The following NCOR2 variants were observed in gnomAD, a reference collection of about 807,000 sequenced individuals.
NCOR2 encodes the protein nuclear receptor corepressor 2.
A neutral mutation model predicts 262.9 loss-of-function variants in NCOR2; 81 were observed. The ratio of observed to expected loss-of-function variants is 0.31; its 90% CI spans 0.26 to 0.37. The LOEUF (loss-of-function observed/expected upper bound fraction) is 0.37. Among genes scored for constraint, NCOR2 ranks in the 10% least tolerant of loss-of-function variants. The pLI is 1.00. For missense variants in NCOR2, 3,385 were observed against 3,621.4 expected, an observed-to-expected ratio of 0.93 and a Z score of 1.68; for synonymous variants, 1,659 against 1,559.3, an observed-to-expected ratio of 1.06 and a Z score of -1.51.
intron 1 of NCOR2, among the ~76,000 whole-genome samples, chr12:124,562,656 ATT>A (rs2052109684): frequency 6.6e-6 from 1 of 152,240 alleles, no homozygotes; most frequent in Admixed American, 6.5e-5. Context: ...AGCTGAGCAC[ATT>A]TGTGAAACAC....
intron 19 of NCOR2, 24 bp downstream of exon 21, chr12:124,374,389 C>G (rs201324478): frequency 3.8e-5 from 61 of 1,611,280 alleles, no homozygotes; most frequent in South Asian, 1.3e-4. Context: ...CCCTACCCCC[C>G]AGGCCAGCCG....
intron 13 of NCOR2, among the ~76,000 whole-genome samples, chr12:124,418,157 T>C (rs2043010622): frequency 6.6e-6 from 1 of 151,798 alleles, no homozygotes. Flanking sequence ...GTTTTACACA[T>C]CTGTTAGAAG....
chr12:124,344,699 G>A lies in NCOR2; in HGVS notation c.4612C>T (p.Gln1538Ter). Reference sequence around the variant, plus strand: ...TGGTCCTCATAGGTCAGGGGGCTCTGCCGCGGCTTACCCAGCTCAGGCACA... The same window carrying A: ...TGGTCCTCATAGGTCAGGGGGCTCTACCGCGGCTTACCCAGCTCAGGCACA... Residue 1538 changes from glutamine (Q) to a stop codon, truncating the protein, a stop_gained, in exon 32 of 47, where the codon CAG (glutamine) becomes TAG (stop). Coordinates refer to ENST00000405201, the Ensembl canonical transcript of NCOR2. LOFTEE classifies it high-confidence loss of function. The A allele has an allele frequency of 6.5e-7, 1 of 1,531,340 alleles. No individual in the cohort carries two copies. Among genetic ancestry groups the A allele is most frequent in the Non-Finnish European group, 8.8e-7 (1 of 1,133,114 alleles). The allele number at this position is 1,531,340 out of a possible 1,614,324, so 94.9% of individuals were successfully genotyped here. A position where few individuals can be genotyped will look rare whatever the true frequency, so the allele number is the denominator to read the frequency against.
intron 1 of NCOR2, among the ~76,000 whole-genome samples, chr12:124,494,016 G>A (rs971754071): frequency 5.3e-5 from 8 of 152,162 alleles, no homozygotes; most frequent in Admixed American, 2.0e-4. Flanking sequence ...TCCTAAGAGG[G>A]ATCCACAACG....
chr12:124,558,273 C>A (rs1048567011), intron 1 of NCOR2, among the ~76,000 whole-genome samples: 1 of 151,124 alleles, frequency 6.6e-6, no homozygotes, highest in Non-Finnish European at 1.5e-5. Context: ...CCCACCCCCC[C>A]TCCAGACCTG....
chr12:124,544,935 G>GCTCC (rs1452187282), intron 1 of NCOR2, among the ~76,000 whole-genome samples: 1 of 152,138 alleles, frequency 6.6e-6, no homozygotes, highest in Non-Finnish European at 1.5e-5. Flanking sequence ...AATCAGGCTG[G>GCTCC]CTCCCGCTCC....
rs1490922334 is a variant in NCOR2, at chr12:124,326,375, AG to A, written c.7184-6del. On this transcript the variant is annotated splice_region_variant and splice_polypyrimidine_tract_variant and intron_variant, in intron 45 of 46. Transcript: ENST00000405201. ...CCTTGGCCTTCCCGCCGCCACCTGC[AG>A]GGGGACAAGATGGGAAGGGGCTGCG... The A allele has an allele frequency of 4.0e-6, 6 of 1,487,240 alleles. No homozygotes were observed. Among genetic ancestry groups the A allele is most frequent in the East Asian group, 2.5e-5 (1 of 39,456 alleles). The allele number at this position is 1,487,240 out of a possible 1,614,324, so 92.1% of individuals were successfully genotyped here.
chr12:124,555,172 T>C (rs1193531748), intron 1 of NCOR2, among the ~76,000 whole-genome samples: 1 of 152,206 alleles, frequency 6.6e-6, no homozygotes, highest in African/African-American at 2.4e-5. Context: ...CACCGGGTTA[T>C]TGTGAAGCTT....
intron 10 of NCOR2, among the ~76,000 whole-genome samples, chr12:124,428,519 A>C (rs2043725747): frequency 1.3e-5 from 2 of 152,104 alleles, no homozygotes; most frequent in Admixed American, 1.3e-4. Context: ...ACTGCTACTT[A>C]AACCAGCCGC....
intron 10 of NCOR2, among the ~76,000 whole-genome samples, chr12:124,428,091 A>AGTGTGTG (rs1555221817): frequency 7.3e-5 from 2 of 27,460 alleles, no homozygotes; most frequent in Non-Finnish European, 2.2e-4. Flanking sequence ...GTGTGTGTAC[A>AGTGTGTG]TGCAACAATC....
In NCOR2 at chr12:124,504,676, G is replaced by A. The variant is rs1297068587; in HGVS notation, c.-117-9308C>T. Among the ~76,000 whole-genome samples the A allele has an allele frequency of 6.6e-6, 1 of 152,238 alleles. No individual in the cohort carries two copies. The highest frequency in any genetic ancestry group is 1.9e-4 in the East Asian group (1 of 5,200). On this transcript the variant is annotated intron_variant, in intron 1 of 46. Coordinates refer to the NCOR2 transcript ENST00000404621. The surrounding 1 kb of genome is among the most constrained non-coding windows in gnomAD (Gnocchi z 4.5). ...CAAACAGATGAAACAAACGCAGTCT[G>A]TCCATCAATGGACTACGATTCAGCC...
chr12:124,340,533 GC>G, intron 35 of NCOR2, 68 bp downstream of exon 37: 1 of 1,545,384 alleles, frequency 6.5e-7, no homozygotes, highest in East Asian at 2.3e-5. Flanking sequence ...CAGGGCTTCT[GC>G]CCGCCCATCC....
At chr12:124,559,011 A>G (rs2051980345) in intron 1 of NCOR2, among the ~76,000 whole-genome samples, 1 of 152,202 alleles carries the variant, frequency 6.6e-6, no homozygotes, top group African/African-American at 2.4e-5. Flanking sequence ...CTGGGAGACA[A>G]GAGGCGGAGA....
chr12:124,338,378 C>T (rs1191450961), intron 37 of NCOR2, among the ~76,000 whole-genome samples: 5 of 151,954 alleles, frequency 3.3e-5, no homozygotes, highest in Admixed American at 1.3e-4. Context: ...TGTGGTTGCA[C>T]GTGCCTGTAA....
intron 31 of NCOR2, among the ~76,000 whole-genome samples, chr12:124,345,153 C>G (rs1196983917): frequency 6.6e-6 from 1 of 152,164 alleles, no homozygotes; most frequent in Non-Finnish European, 1.5e-5. Flanking sequence ...CTGGGCCTGA[C>G]CCTGGTCCCC....
upstream of NCOR2, chr12:124,567,547 C>T (rs573221497): frequency 3.4e-3 from 493 of 146,208 alleles, 2 homozygotes; most frequent in Middle Eastern, 0.024. Context: ...CCGGCGGACG[C>T]GGGGCTCCGG....
At chr12:124,545,648 GC>G (rs1457408902) in intron 1 of NCOR2, among the ~76,000 whole-genome samples, 1 of 152,206 alleles carries the variant, frequency 6.6e-6, no homozygotes, top group Non-Finnish European at 1.5e-5. Context: ...AGCCCAAGTG[GC>G]CCGGCTGGGG....
intron 45 of NCOR2, among the ~76,000 whole-genome samples, chr12:124,327,108 C>G (rs907014554): frequency 5.3e-5 from 8 of 152,094 alleles, no homozygotes; most frequent in Admixed American, 4.6e-4. Context: ...GCCGGGTCCC[C>G]GCAGGGAGGA....
chr12:124,518,483 G>A (rs769866082), intron 1 of NCOR2, among the ~76,000 whole-genome samples: 29 of 152,220 alleles, frequency 1.9e-4, no homozygotes, highest in Non-Finnish European at 2.5e-4. Flanking sequence ...GCCCACCGGC[G>A]ACAAGTGCGG....
Sources: gnomAD v4.1 joint callset for allele counts (sites outside exome capture counted in the v4.1 genomes callset) on GRCh38, gnomAD v4.1.1 for gene constraint, Gnocchi (gnomAD v3.1) non-coding constraint, MANE v1.5 for transcripts, NCBI Gene and HGNC (gene_info 2026-07-23, HGNC 2026-07-21) for gene names.